The following ADGRB2 variants were observed in gnomAD, a reference collection of about 807,000 sequenced individuals.
ADGRB2 encodes the protein adhesion G protein-coupled receptor B2, also known as brain-specific angiogenesis inhibitor 2.
A neutral mutation model predicts 178.7 loss-of-function variants in ADGRB2; 47 were observed. That is an observed-to-expected ratio of 0.26 (90% CI 0.21 to 0.34). The LOEUF is 0.34. Among genes scored for constraint, ADGRB2 ranks in the 10% least tolerant of loss-of-function variants. The pLI is 1.00. For missense variants in ADGRB2, 1,584 were observed against 2,180.8 expected (o/e 0.73, Z 5.45); for synonymous variants, 870 against 912.4 (o/e 0.95, Z 0.84).
At chr1:31,745,455 A>G (rs1001898031) in intron 4 of ADGRB2, among the ~76,000 whole-genome samples, 2 of 152,200 alleles carry the variant, frequency 1.3e-5, no homozygotes, top group Non-Finnish European at 2.9e-5. Context: ...CCAGGCTCTC[A>G]GCTGCCCTGA....
rs572367534 is a variant in ADGRB2 at position 31,731,427 on chromosome 1, C to A, written c.3761-8G>T. Reference sequence around the variant, plus strand: ...TGACCTCCTTGAACAGCACTGGGGGCAGGAGTGGGAGGGAGGGGGTGAGTC... The same window carrying A: ...TGACCTCCTTGAACAGCACTGGGGGAAGGAGTGGGAGGGAGGGGGTGAGTC... On this transcript the variant is annotated splice_polypyrimidine_tract_variant and splice_region_variant and intron_variant, in intron 28 of 32. Coordinates refer to ENST00000373658, the MANE Select transcript of ADGRB2 (RefSeq NM_001364857.2). The A allele has an allele frequency of 6.4e-7, 1 of 1,572,862 alleles. No homozygotes were observed. Among genetic ancestry groups the A allele is most frequent in the Admixed American group, 1.8e-5 (1 of 57,044 alleles).
At chr1:31,762,362 T>C (rs1647064762) in intron 1 of ADGRB2, among the ~76,000 whole-genome samples, 1 of 152,068 alleles carries the variant, frequency 6.6e-6, no homozygotes, top group African/African-American at 2.4e-5. Flanking sequence ...ACTCCCCAGG[T>C]GCTTGCTCTG....
chr1:31,755,884 G>A lies in ADGRB2; in HGVS notation c.838+115C>T. On this transcript the variant is annotated intron_variant, in intron 4 of 32. Transcript: ENST00000373658. The surrounding 1 kb of genome is among the most constrained non-coding windows in gnomAD (Gnocchi z 5.1). ...CGCAACATTTGGACAAGGCTCAGCA[G>A]AGGGGTGACATCAGTGAACAGCTAC... The A allele has an allele frequency of 7.2e-7, 1 of 1,397,288 alleles. No homozygotes were observed. Among genetic ancestry groups the A allele is most frequent in the Non-Finnish European group, 9.7e-7 (1 of 1,028,982 alleles). The allele number at this position is 1,397,288 out of a possible 1,614,324, so 86.6% of individuals were successfully genotyped here. A position where few individuals can be genotyped will look rare whatever the true frequency, so the allele number is the denominator to read the frequency against.
intron 4 of ADGRB2, among the ~76,000 whole-genome samples, chr1:31,745,861 T>C (rs573967138): frequency 6.6e-6 from 1 of 152,148 alleles, no homozygotes; most frequent in African/African-American, 2.4e-5. Flanking sequence ...TCACCAAGCA[T>C]GAGGAGCAGC....
rs57669987 is a variant in ADGRB2, at chr1:31,756,898, G to A, written c.22-83C>T. 1,721 of 1,344,766 alleles carry A rather than the reference G, an allele frequency of 1.3e-3. 18 individuals are homozygous for A. The African/African-American group carries it at 0.022, about 17-fold the overall frequency. The allele number at this position is 1,344,766 out of a possible 1,614,324, so 83.3% of individuals were successfully genotyped here. On this transcript the variant is annotated intron_variant, in intron 3 of 32. Coordinates refer to ENST00000373658, the MANE Select transcript of ADGRB2 (RefSeq NM_001364857.2). The surrounding 1 kb of genome is among the most constrained non-coding windows in gnomAD (Gnocchi z 8.5). ...CTTCTATGGTGAGCTGCGGGAGTGGGCCTCATAAGTTAAGACCCTGGTCTT... is the reference window on the plus strand; with the variant it reads ...CTTCTATGGTGAGCTGCGGGAGTGGACCTCATAAGTTAAGACCCTGGTCTT...
intron 28 of ADGRB2, 126 bp downstream of exon 28, chr1:31,731,989 G>A: frequency 3.2e-6 from 4 of 1,244,794 alleles, no homozygotes; most frequent in Non-Finnish European, 4.6e-6. Flanking sequence ...CCAGCTCAGG[G>A]CTGTCTAACT....
At chr1:31,745,400 A>G (rs973987602) in intron 4 of ADGRB2, among the ~76,000 whole-genome samples, 1 of 152,160 alleles carries the variant, frequency 6.6e-6, no homozygotes, top group African/African-American at 2.4e-5. Context: ...GGCCAGGAGA[A>G]CAGCAGGTGC....
Position 31,727,710 on chromosome 1 carries a change from T to C in ADGRB2, c.4573-105A>G. On this transcript the variant is annotated intron_variant, in intron 32 of 32. Transcript: ENST00000373658. This position sits in a 1 kb window ranked among gnomAD's most constrained non-coding sequence, Gnocchi z 4.4. Reference sequence around the variant, plus strand: ...AGAGAGGGCTGGTAATGCCCAAAGTTATGGAGCAATCAGGTGTCAAGCAGA... The same window carrying C: ...AGAGAGGGCTGGTAATGCCCAAAGTCATGGAGCAATCAGGTGTCAAGCAGA... 8.2e-7 allele frequency: 1 copy of C among 1,218,314 alleles called. No individual in the cohort carries two copies. The highest frequency in any genetic ancestry group is 1.1e-6 in the Non-Finnish European group (1 of 908,294). The allele number at this position is 1,218,314 out of a possible 1,614,324, so 75.5% of individuals were successfully genotyped here. A position where few individuals can be genotyped will look rare whatever the true frequency, so the allele number is the denominator to read the frequency against.
intron 4 of ADGRB2, among the ~76,000 whole-genome samples, chr1:31,751,998 G>A (rs1476166526): frequency 1.3e-5 from 2 of 152,150 alleles, no homozygotes. Context: ...CACTACCCCC[G>A]CTTTACAGGT....
chr1:31,734,196 G>A (rs968503855), intron 25 of ADGRB2, among the ~76,000 whole-genome samples: 4 of 152,226 alleles, frequency 2.6e-5, no homozygotes, highest in Non-Finnish European at 2.9e-5. Context: ...TAAGAGCTAC[G>A]CTGATTAACC....
In ADGRB2 at chr1:31,740,643, G is replaced by C; in HGVS notation, c.1795-102C>G. 1.6e-6 allele frequency: 2 copies of C among 1,282,380 alleles called. No homozygotes were observed. Among genetic ancestry groups the C allele is most frequent in the Non-Finnish European group, 2.1e-6 (2 of 949,748 alleles). 79.4% of individuals were successfully genotyped at this position (1,282,380 alleles called of 1,614,324 possible). On this transcript the variant is annotated intron_variant, in intron 11 of 32. Coordinates refer to ENST00000373658, the MANE Select transcript of ADGRB2 (RefSeq NM_001364857.2). This position sits in a 1 kb window ranked among gnomAD's most constrained non-coding sequence, Gnocchi z 5.9. The stretch of plus-strand genomic sequence containing the variant: ...CACCCACTGCTTGCATCCACGGGGA[G>C]AGAAAGGGGGAAAAGGTCAGAGAGG...
In ADGRB2 at chr1:31,727,285, G is replaced by A. The variant is rs1645036673; in HGVS notation, c.*135C>T. On this transcript the variant is annotated 3_prime_UTR_variant, in exon 33 of 33. Coordinates refer to ENST00000373658, the MANE Select transcript of ADGRB2 (RefSeq NM_001364857.2). The surrounding 1 kb of genome is among the most constrained non-coding windows in gnomAD (Gnocchi z 4.4). ...AAGCCATGTCCGGCTCCCCCAGCCT[G>A]GCTGAGTCCACGGCGCCTCCCTGCC... 1 of 1,130,098 alleles carries A rather than the reference G, an allele frequency of 8.8e-7. No homozygotes were observed. The highest frequency in any genetic ancestry group is 2.7e-4 in the Middle Eastern group (1 of 3,650). The allele number at this position is 1,130,098 out of a possible 1,614,324, so 70.0% of individuals were successfully genotyped here.
At chr1:31,757,071 G>A (rs971456932) in intron 3 of ADGRB2, 130 bp downstream of exon 3, 16 of 1,484,386 alleles carry the variant, frequency 1.1e-5, no homozygotes, top group Non-Finnish European at 1.3e-5. Flanking sequence ...GAAAGGACTC[G>A]CGAGAGTGCC....
intron 4 of ADGRB2, among the ~76,000 whole-genome samples, chr1:31,746,672 C>T (rs1646289088): frequency 6.6e-6 from 1 of 152,154 alleles, no homozygotes; most frequent in African/African-American, 2.4e-5. Flanking sequence ...CAGCGATGAC[C>T]TCAACATCGG....
chr1:31,729,230 G>A (rs183111973), intron 29 of ADGRB2, among the ~76,000 whole-genome samples: 12 of 152,248 alleles, frequency 7.9e-5, no homozygotes, highest in Non-Finnish European at 1.5e-4. Flanking sequence ...TGTCAGCACA[G>A]GGAGACCCAT....
In ADGRB2 at chr1:31,754,121, T is replaced by C. The variant is rs529590678; in HGVS notation, c.838+1878A>G. Among the ~76,000 whole-genome samples the C allele has an allele frequency of 3.9e-5, 6 of 152,248 alleles. No homozygotes were observed. Among genetic ancestry groups the C allele is most frequent in the African/African-American group, 1.2e-4 (5 of 41,550 alleles). On this transcript the variant is annotated intron_variant, in intron 4 of 32. Transcript: ENST00000373658. This position sits in a 1 kb window ranked among gnomAD's most constrained non-coding sequence, Gnocchi z 5.7. ...TAATCAGGCATCCAGTCTCCACCCA[T>C]CTCTAGCCCCAGAGGCCTCTGCAGA...
intron 1 of ADGRB2, among the ~76,000 whole-genome samples, chr1:31,763,580 CTG>C (rs915370174): frequency 8.1e-5 from 11 of 136,056 alleles, no homozygotes; most frequent in Admixed American, 2.5e-4. Context: ...CAAGCACGGT[CTG>C]TGTCAGAATT....
At position 31,744,285 on chromosome 1, in the gene ADGRB2, C is replaced by G. The variant is rs751147414; in HGVS notation, c.995G>C (p.Arg332Pro). 2 of 1,551,254 alleles carry G rather than the reference C, an allele frequency of 1.3e-6. No homozygotes were observed. Among genetic ancestry groups the G allele is most frequent in the South Asian group, 2.4e-5 (2 of 84,044 alleles). The part of the protein sequence containing the change: ...SLTCGQGLQV[R>P]TRSCVSSPYG... Reference sequence around the variant, plus strand: ...GGGGGAGGACACACAGGAGCGGGTCCGCACCTGCAGACCCTGCCCACACGT... The same window carrying G: ...GGGGGAGGACACACAGGAGCGGGTCGGCACCTGCAGACCCTGCCCACACGT... The change falls in exon 6 of 33, where the codon CGG (arginine) becomes CCG (proline). Residue 332 changes from arginine to proline, a missense_variant. Around this residue, in one of 3 missense-constraint regions of ADGRB2, gnomAD observed 657 missense variants for 847.6 expected, o/e 0.78. Transcript: ENST00000373658. This position sits in a 1 kb window ranked among gnomAD's most constrained non-coding sequence, Gnocchi z 6.7.
At position 31,727,952 on chromosome 1, in the gene ADGRB2, G is replaced by A. The variant is rs868351918; in HGVS notation, c.4572+73C>T. On this transcript the variant is annotated intron_variant, in intron 32 of 32. Coordinates refer to ENST00000373658, the MANE Select transcript of ADGRB2 (RefSeq NM_001364857.2). This position sits in a 1 kb window ranked among gnomAD's most constrained non-coding sequence, Gnocchi z 4.4. ...TGGTGAGACAGGCTGGGGTTGCCTG[G>A]GAGGGGCAGGAGGGCAGGGAGGGCA... The A allele has an allele frequency of 9.4e-6, 14 of 1,486,292 alleles. No homozygotes were observed. The highest frequency in any genetic ancestry group is 7.7e-5 in the South Asian group (6 of 77,818). The allele number at this position is 1,486,292 out of a possible 1,614,324, so 92.1% of individuals were successfully genotyped here. A position where few individuals can be genotyped will look rare whatever the true frequency, so the allele number is the denominator to read the frequency against.
Sources: gnomAD v4.1 joint callset for allele counts (sites outside exome capture counted in the v4.1 genomes callset) on GRCh38, gnomAD v4.1.1 for gene constraint, gnomAD v4.1.1 regional missense constraint, Gnocchi (gnomAD v3.1) non-coding constraint, MANE v1.5 for transcripts, NCBI Gene and HGNC (gene_info 2026-07-23, HGNC 2026-07-21) for gene names.